HS3ST4: variants seen among roughly 807,000 people sequenced by gnomAD.
The protein encoded by HS3ST4 is heparan sulfate-glucosamine 3-sulfotransferase 4.
Under a neutral mutation model 29.2 loss-of-function variants are expected in HS3ST4, and 17 were observed. The ratio of observed to expected loss-of-function variants is 0.58; its 90% CI spans 0.40 to 0.87. The LOEUF (loss-of-function observed/expected upper bound fraction) is 0.87. Among genes scored for constraint, HS3ST4 ranks in the 40% least tolerant of loss-of-function variants. The probability of loss-of-function intolerance (pLI) is 0.00; values close to 1 mark genes in which losing one functional copy is unlikely to be tolerated. For synonymous variants in HS3ST4, 314 were observed against 285.7 expected (o/e 1.10, Z -1.00); for missense variants, 627 against 634.5 (o/e 0.99, Z 0.13).
intron 1 of HS3ST4, among the ~76,000 whole-genome samples, chr16:25,919,541 T>C (rs2141682070): frequency 6.6e-6 from 1 of 152,214 alleles, no homozygotes; most frequent in South Asian, 2.1e-4. Flanking sequence ...TAGCTGGTAT[T>C]GTAAGCGGGG....
chr16:26,002,024 G>A (rs1418963647), intron 1 of HS3ST4, among the ~76,000 whole-genome samples: 1 of 152,164 alleles, frequency 6.6e-6, no homozygotes, highest in East Asian at 1.9e-4. Flanking sequence ...TTAGAACCCT[G>A]AGTGGATGAT....
chr16:26,044,827 C>T (rs1898245746), intron 1 of HS3ST4, among the ~76,000 whole-genome samples: 1 of 152,052 alleles, frequency 6.6e-6, no homozygotes, highest in African/African-American at 2.4e-5. Flanking sequence ...TCATCCATGT[C>T]CCATTGAAGG....
intron 1 of HS3ST4, among the ~76,000 whole-genome samples, chr16:25,769,305 G>T (rs983318670): frequency 6.6e-6 from 1 of 152,024 alleles, no homozygotes; most frequent in Non-Finnish European, 1.5e-5. Flanking sequence ...ATGTCATGGA[G>T]GTTTGATCTT....
chr16:26,041,282 A>G (rs1208735474), intron 1 of HS3ST4, among the ~76,000 whole-genome samples: 1 of 152,184 alleles, frequency 6.6e-6, no homozygotes, highest in Non-Finnish European at 1.5e-5. Flanking sequence ...TCAAGGCTGC[A>G]GTGAGCTATG....
intron 1 of HS3ST4, among the ~76,000 whole-genome samples, chr16:26,110,264 A>G (rs1292821053): frequency 6.6e-6 from 1 of 152,174 alleles, no homozygotes; most frequent in South Asian, 2.1e-4. Flanking sequence ...CTATATCTGT[A>G]TATATTATAT....
chr16:25,956,873 A>C (rs8057626), intron 1 of HS3ST4, among the ~76,000 whole-genome samples: 75,173 of 151,420 alleles, frequency 0.5, 19,022 homozygotes, highest in African/African-American at 0.58. Flanking sequence ...TGGTGGGCGC[A>C]TGTAATCTCA....
chr16:26,012,629 A>G (rs111928017), intron 1 of HS3ST4, among the ~76,000 whole-genome samples: 18 of 152,298 alleles, frequency 1.2e-4, no homozygotes, highest in African/African-American at 4.3e-4. Context: ...ATGGTGTTTC[A>G]AGGCTTAAAA....
intron 1 of HS3ST4, among the ~76,000 whole-genome samples, chr16:26,118,867 C>A (rs767578485): frequency 6.6e-6 from 1 of 152,046 alleles, no homozygotes; most frequent in Non-Finnish European, 1.5e-5. Context: ...GGCTCGTAAT[C>A]CATGAAAAGG....
intron 1 of HS3ST4, among the ~76,000 whole-genome samples, chr16:25,913,002 T>C (rs905345161): frequency 7.2e-5 from 11 of 151,908 alleles, no homozygotes; most frequent in Admixed American, 7.2e-4. Context: ...TGATAGTAGA[T>C]AATCTGTGAA....
Position 26,098,279 on chromosome 16 carries a change from G to A in HS3ST4, c.735-37333G>A, listed in dbSNP as rs143646687. ...AAATCATGCTACTATAACGACATAT[G>A]CACCCATATGTTTATTTTGCCACTA... is the stretch of plus-strand genomic sequence containing the variant. On this transcript the variant is annotated intron_variant, in intron 1 of 1. Coordinates refer to ENST00000331351, the MANE Select transcript of HS3ST4 (RefSeq NM_006040.3). Among the ~76,000 whole-genome samples the A allele has an allele frequency of 8.2e-4, 125 of 152,286 alleles. 1 individual carries two copies. Among genetic ancestry groups the A allele is most frequent in the African/African-American group, 2.9e-3 (119 of 41,544 alleles).
At chr16:25,764,594 G>T (rs1034246700) in intron 1 of HS3ST4, among the ~76,000 whole-genome samples, 3 of 152,196 alleles carry the variant, frequency 2.0e-5, no homozygotes, top group African/African-American at 7.2e-5. Context: ...GCTTTTGCCA[G>T]CTTGGCACAT....
At chr16:25,751,596 A>G (rs1479790539) in intron 1 of HS3ST4, among the ~76,000 whole-genome samples, 1 of 152,154 alleles carries the variant, frequency 6.6e-6, no homozygotes, top group Non-Finnish European at 1.5e-5. Flanking sequence ...GTCATCATGT[A>G]GCTGAATAGT....
chr16:25,899,678 T>C (rs1438042143), intron 1 of HS3ST4, among the ~76,000 whole-genome samples: 1 of 151,866 alleles, frequency 6.6e-6, no homozygotes, highest in Non-Finnish European at 1.5e-5. Context: ...GCTATTTTTT[T>C]TTTTTTGGTA....
intron 1 of HS3ST4, among the ~76,000 whole-genome samples, chr16:25,782,960 G>A (rs1011348540): frequency 1.3e-5 from 2 of 152,098 alleles, no homozygotes; most frequent in African/African-American, 4.8e-5. Flanking sequence ...TGGGTCTCTT[G>A]TCAAAGGCTT....
At chr16:25,975,341 G>A (rs1423396464) in intron 1 of HS3ST4, among the ~76,000 whole-genome samples, 2 of 151,880 alleles carry the variant, frequency 1.3e-5, no homozygotes, top group Non-Finnish European at 2.9e-5. Context: ...TTACTTATTG[G>A]GTACCATACT....
At chr16:25,851,265 G>A (rs1374662480) in intron 1 of HS3ST4, among the ~76,000 whole-genome samples, 1 of 152,150 alleles carries the variant, frequency 6.6e-6, no homozygotes, top group Non-Finnish European at 1.5e-5. Flanking sequence ...GTTTCATTTT[G>A]TGTTTATTAT....
At chr16:26,050,858 C>T (rs1387539453) in intron 1 of HS3ST4, among the ~76,000 whole-genome samples, 1 of 152,136 alleles carries the variant, frequency 6.6e-6, no homozygotes, top group Non-Finnish European at 1.5e-5. Context: ...AGAATCCTTG[C>T]CTTTATGGCC....
At chr16:25,951,298 C>G (rs1968681822) in intron 1 of HS3ST4, among the ~76,000 whole-genome samples, 1 of 152,210 alleles carries the variant, frequency 6.6e-6, no homozygotes, top group African/African-American at 2.4e-5. Flanking sequence ...CTCTGCTCAT[C>G]TTCTGCAGAA....
intron 1 of HS3ST4, among the ~76,000 whole-genome samples, chr16:25,781,663 A>G (rs564793323): frequency 1.6e-4 from 24 of 152,298 alleles, no homozygotes; most frequent in South Asian, 8.3e-4. Flanking sequence ...AACTTACCCA[A>G]GACCCCACAG....
Sources: allele counts gnomAD v4.1 joint callset (sites outside exome capture counted in the v4.1 genomes callset), GRCh38; gene constraint gnomAD v4.1.1; transcripts MANE v1.5; gene names NCBI Gene and HGNC (gene_info 2026-07-23, HGNC 2026-07-21).